BMP6: variants seen among roughly 807,000 people sequenced by gnomAD.
The protein encoded by BMP6 is bone morphogenetic protein 6, also known as VG-1-R.
In BMP6, 17 loss-of-function variants were observed where a neutral mutation model predicts 54.1. The observed-to-expected ratio is 0.31, with a 90% CI of 0.22 to 0.47. BMP6 has a LOEUF of 0.47. BMP6 is among the 20% of genes least tolerant of loss of function. The pLI is 1.00. For synonymous variants in BMP6, 328 were observed against 291.2 expected (o/e 1.13, Z -1.28); for missense variants, 720 against 690.4 (o/e 1.04, Z -0.48).
intron 1 of BMP6, among the ~76,000 whole-genome samples, chr6:7,779,092 G>C (rs1253711661): frequency 6.6e-6 from 1 of 152,176 alleles, no homozygotes; most frequent in East Asian, 1.9e-4. Flanking sequence ...TCTAGACTTG[G>C]CTCTGGATCC....
intron 1 of BMP6, among the ~76,000 whole-genome samples, chr6:7,807,467 G>C (rs1463110452): frequency 6.6e-6 from 1 of 152,072 alleles, no homozygotes; most frequent in African/African-American, 2.4e-5. Flanking sequence ...TTTTAGTAGA[G>C]ACGGGGTTTC....
At chr6:7,741,629 C>T (rs1757258048) in intron 1 of BMP6, among the ~76,000 whole-genome samples, 2 of 151,368 alleles carry the variant, frequency 1.3e-5, no homozygotes, top group African/African-American at 4.9e-5. Flanking sequence ...GATGGGGTCT[C>T]ATTATGTTGC....
intron 1 of BMP6, among the ~76,000 whole-genome samples, chr6:7,828,377 A>C (rs1758734053): frequency 2.0e-5 from 3 of 152,332 alleles, no homozygotes; most frequent in South Asian, 4.1e-4. Flanking sequence ...TTCAGAGCGC[A>C]CGGCTGTGCT....
At position 7,881,519 on chromosome 6, in the gene BMP6, T is replaced by G. The variant is rs1039401782; in HGVS notation, c.*1176T>G. 1 of 152,120 alleles carries G rather than the reference T, an allele frequency of 6.6e-6. No individual in the cohort carries two copies. Among genetic ancestry groups the G allele is most frequent in the Non-Finnish European group, 1.5e-5 (1 of 67,914 alleles). 9.4% of individuals were successfully genotyped at this position (152,120 alleles called of 1,614,324 possible). ...TAACATTGAAGGAAAGACCAGACTT[T>G]TAAAAAAAAAGAGTTTATTTAGAAA... On this transcript the variant is annotated 3_prime_UTR_variant, in exon 7 of 7. Transcript: ENST00000283147.
chr6:7,880,512 C>T lies in BMP6; in HGVS notation c.*169C>T. On this transcript the variant is annotated 3_prime_UTR_variant, in exon 7 of 7. Transcript: ENST00000283147. ...TTTAAAGGACCTCATTAATAATTTG[C>T]TCACTTGGTAAATGACGTGAGTAGT... 3 of 925,674 alleles carry T rather than the reference C, an allele frequency of 3.2e-6. No individual in the cohort carries two copies. The highest frequency in any genetic ancestry group is 3.2e-6 in the Non-Finnish European group (2 of 621,594). The allele number at this position is 925,674 out of a possible 1,614,324, so 57.3% of individuals were successfully genotyped here.
chr6:7,778,518 T>A (rs2113164946), intron 1 of BMP6, among the ~76,000 whole-genome samples: 1 of 152,340 alleles, frequency 6.6e-6, no homozygotes, highest in African/African-American at 2.4e-5. Flanking sequence ...ACAAGAGGAT[T>A]CTGCCTCTTT....
rs748172650 is a variant in BMP6, at chr6:7,880,280, C to A, written c.1479C>A (p.Asp493Glu). The A allele has an allele frequency of 2.3e-5, 37 of 1,614,148 alleles. No homozygotes were observed. The highest frequency in any genetic ancestry group is 1.5e-4 in the South Asian group (14 of 91,080). ...LNAISVLYFD[D>E]NSNVILKKYR... ...CCATCTCGGTTCTTTACTTTGATGA[C>A]AACTCCAATGTCATTCTGAAAAAAT... The change falls in exon 7 of 7, where the codon GAC (aspartate) becomes GAA (glutamate). Residue 493 changes from aspartate (D) to glutamate (E), a missense_variant. By Grantham distance (45) the Asp-to-Glu change is conservative. This residue lies in a region of BMP6 where 43 missense variants were observed against 54.0 expected (regional missense o/e 0.80). Coordinates refer to ENST00000283147, the MANE Select transcript of BMP6 (RefSeq NM_001718.6).
chr6:7,734,175 T>C (rs1473471804), intron 1 of BMP6, among the ~76,000 whole-genome samples: 2 of 152,206 alleles, frequency 1.3e-5, no homozygotes, highest in African/African-American at 4.8e-5. Flanking sequence ...AACATGGTTT[T>C]TCTGGGGACA....
intron 2 of BMP6, among the ~76,000 whole-genome samples, chr6:7,859,197 T>C (rs144781557): frequency 2.6e-4 from 39 of 152,290 alleles, no homozygotes; most frequent in Non-Finnish European, 4.9e-4. Context: ...TCCTCCTCCT[T>C]GGATGATGTG....
intron 1 of BMP6, among the ~76,000 whole-genome samples, chr6:7,842,343 T>G (rs1758986765): frequency 6.6e-6 from 1 of 152,132 alleles, no homozygotes; most frequent in Non-Finnish European, 1.5e-5. Flanking sequence ...CTGAGGTGCT[T>G]GGGGACAGGC....
At chr6:7,776,413 G>C (rs1018359309) in intron 1 of BMP6, among the ~76,000 whole-genome samples, 1 of 152,222 alleles carries the variant, frequency 6.6e-6, no homozygotes, top group Non-Finnish European at 1.5e-5. Flanking sequence ...TAGATGTATA[G>C]CTTCTTTCAT....
intron 1 of BMP6, among the ~76,000 whole-genome samples, chr6:7,760,174 AC>A (rs1757592427): frequency 6.9e-6 from 1 of 143,928 alleles, no homozygotes; most frequent in Non-Finnish European, 1.5e-5. Flanking sequence ...TAATCCTCCC[AC>A]CCCAGTCTCC....
intron 1 of BMP6, among the ~76,000 whole-genome samples, chr6:7,813,688 GA>G (rs1368506762): frequency 1.7e-5 from 2 of 116,330 alleles, no homozygotes; most frequent in Non-Finnish European, 3.6e-5. Flanking sequence ...ACCCAGTATA[GA>G]AAATATATAT....
chr6:7,748,154 C>T (rs879677244), intron 1 of BMP6, among the ~76,000 whole-genome samples: 6 of 150,512 alleles, frequency 4.0e-5, no homozygotes, highest in Non-Finnish European at 8.9e-5. Context: ...GGCCTTACCC[C>T]TTAGAGAGTG....
chr6:7,829,594 T>C (rs576164741), intron 1 of BMP6, among the ~76,000 whole-genome samples: 2 of 152,250 alleles, frequency 1.3e-5, no homozygotes, highest in African/African-American at 4.8e-5. Context: ...TAGTCCTAGC[T>C]ACTCAGGAGG....
At chr6:7,859,305 C>G (rs1219003021) in intron 2 of BMP6, among the ~76,000 whole-genome samples, 5 of 123,734 alleles carry the variant, frequency 4.0e-5, no homozygotes, top group Admixed American at 1.8e-4. Context: ...GCCAGCTGTG[C>G]TACCCTCACG....
intron 1 of BMP6, among the ~76,000 whole-genome samples, chr6:7,764,572 G>GTTCA (rs2113146200): frequency 6.6e-6 from 1 of 152,296 alleles, no homozygotes; most frequent in Admixed American, 6.5e-5. Flanking sequence ...TTCTGATGGT[G>GTTCA]TTATATGGAG....
intron 1 of BMP6, among the ~76,000 whole-genome samples, chr6:7,784,241 A>G (rs1293209888): frequency 6.6e-6 from 1 of 152,084 alleles, no homozygotes; most frequent in African/African-American, 2.4e-5. Context: ...ACATTTTTTT[A>G]CGTTTCATCA....
At chr6:7,798,372 G>A (rs1332942050) in intron 1 of BMP6, among the ~76,000 whole-genome samples, 3 of 152,200 alleles carry the variant, frequency 2.0e-5, no homozygotes, top group Admixed American at 6.5e-5. Flanking sequence ...TACTGATGGT[G>A]AACTGAAGCC....
Sources: gnomAD v4.1 joint callset for allele counts (sites outside exome capture counted in the v4.1 genomes callset) on GRCh38, gnomAD v4.1.1 for gene constraint, gnomAD v4.1.1 regional missense constraint, MANE v1.5 for transcripts, NCBI Gene and HGNC (gene_info 2026-07-23, HGNC 2026-07-21) for gene names.